CEMIP: variants seen among roughly 807,000 people sequenced by gnomAD.
The protein encoded by CEMIP is cell migration inducing hyaluronidase 1, also known as cell migration-inducing and hyaluronan-binding protein.
CEMIP carries 105 observed loss-of-function variants against 156.9 expected under a neutral mutation model. The ratio of observed to expected loss-of-function variants is 0.67; its 90% confidence interval spans 0.57 to 0.79. The LOEUF (loss-of-function observed/expected upper bound fraction) is 0.79, where lower values mean the gene tolerates loss of function less well. CEMIP is among the 30% of genes least tolerant of loss of function. The pLI is 0.00. For missense variants in CEMIP, 1,457 were observed against 1,769.4 expected (o/e 0.82, Z 3.17); for synonymous variants, 676 against 668.4 (o/e 1.01, Z -0.17).
intron 1 of CEMIP, among the ~76,000 whole-genome samples, chr15:80,871,985 G>A (rs1277819882): frequency 3.9e-5 from 6 of 152,258 alleles, no homozygotes; most frequent in East Asian, 1.9e-4. Context: ...GGACACGGCC[G>A]GCATTGATTC....
chr15:80,822,500 C>T (rs893852590), intron 1 of CEMIP, among the ~76,000 whole-genome samples: 16 of 152,182 alleles, frequency 1.1e-4, no homozygotes, highest in Admixed American at 5.9e-4. Flanking sequence ...TCCCTTTAAG[C>T]TGTCACTGTC....
At chr15:80,910,478 G>A (rs984034350) in intron 14 of CEMIP, among the ~76,000 whole-genome samples, 1 of 152,222 alleles carries the variant, frequency 6.6e-6, no homozygotes, top group Non-Finnish European at 1.5e-5. Flanking sequence ...ATATGGTTAT[G>A]GGAAAATGAG....
At chr15:80,944,006 G>A (rs191005387) in intron 28 of CEMIP, among the ~76,000 whole-genome samples, 15 of 152,258 alleles carry the variant, frequency 9.9e-5, no homozygotes, top group South Asian at 2.1e-4. Context: ...TTGGCAGGGC[G>A]CATTGGCTCA....
At chr15:80,834,087 C>A (rs891423181) in intron 1 of CEMIP, among the ~76,000 whole-genome samples, 8 of 152,102 alleles carry the variant, frequency 5.3e-5, no homozygotes. Flanking sequence ...CCAATAGCAC[C>A]CCCACCTCCC....
At chr15:80,819,361 G>A (rs1187553011) in intron 1 of CEMIP, among the ~76,000 whole-genome samples, 1 of 152,304 alleles carries the variant, frequency 6.6e-6, no homozygotes, top group South Asian at 2.1e-4. Context: ...GTTGGGTCCT[G>A]TCTAGTGGAT....
intron 1 of CEMIP, among the ~76,000 whole-genome samples, chr15:80,790,583 G>A (rs1267983996): frequency 6.6e-6 from 1 of 152,114 alleles, no homozygotes; most frequent in Non-Finnish European, 1.5e-5. Flanking sequence ...TCCAGGTGGG[G>A]GTCACTCGGC....
chr15:80,867,624 GCTGATGGCAAGC>G (rs1412645504), intron 1 of CEMIP, among the ~76,000 whole-genome samples: 1 of 152,242 alleles, frequency 6.6e-6, no homozygotes, highest in Non-Finnish European at 1.5e-5. Context: ...AGGAGACTGT[GCTGATGGCAAGC>G]CCTCTGAGAA....
intron 1 of CEMIP, among the ~76,000 whole-genome samples, chr15:80,865,656 T>TA: frequency 6.6e-6 from 1 of 151,760 alleles, no homozygotes; most frequent in African/African-American, 2.4e-5. Context: ...AGCCCTTTTT[T>TA]TTTTTTTTTT....
At chr15:80,800,019 T>TTGTGTGTG (rs1428935403) in intron 1 of CEMIP, among the ~76,000 whole-genome samples, 17 of 55,212 alleles carry the variant, frequency 3.1e-4, no homozygotes, top group African/African-American at 1.3e-3. Flanking sequence ...CCAGCTAATT[T>TTGTGTGTG]TATGTGTGTG....
intron 7 of CEMIP, among the ~76,000 whole-genome samples, chr15:80,886,303 A>G (rs1304741804): frequency 2.0e-5 from 3 of 150,652 alleles, no homozygotes. Context: ...AAGGGGTGAG[A>G]GGTGAGGCTG....
At chr15:80,882,026 T>C (rs941599052) in intron 6 of CEMIP, among the ~76,000 whole-genome samples, 1 of 151,814 alleles carries the variant, frequency 6.6e-6, no homozygotes, top group Non-Finnish European at 1.5e-5. Context: ...AGAGGTGGGG[T>C]AGACAAACAG....
rs922611483 is a variant in CEMIP, at chr15:80,909,034, A to G, written c.1588-63A>G. ...GCCTCTGCATCTTTGGAATATGGGC[A>G]CCAGCCAGGGAAATCACAAAGCATC... On this transcript the variant is annotated intron_variant, in intron 13 of 29. Coordinates refer to ENST00000394685, the MANE Select transcript of CEMIP (RefSeq NM_001293298.2). 7 of 1,498,354 alleles carry G rather than the reference A, an allele frequency of 4.7e-6. No homozygotes were observed. The African/African-American group carries it at 5.5e-5, about 12-fold the overall frequency. The allele number at this position is 1,498,354 out of a possible 1,614,324, so 92.8% of individuals were successfully genotyped here.
At chr15:80,840,069 A>G (rs1897363399) in intron 1 of CEMIP, among the ~76,000 whole-genome samples, 1 of 152,160 alleles carries the variant, frequency 6.6e-6, no homozygotes, top group Admixed American at 6.5e-5. Context: ...CAGGGAAGAG[A>G]AAGTCATAAG....
chr15:80,917,327 T>C (rs1045185404), intron 14 of CEMIP, among the ~76,000 whole-genome samples: 26 of 145,536 alleles, frequency 1.8e-4, no homozygotes, highest in Non-Finnish European at 3.5e-4. Flanking sequence ...GCAAGAGGCC[T>C]GAGTTTGATC....
intron 1 of CEMIP, among the ~76,000 whole-genome samples, chr15:80,867,430 G>A (rs1321832192): frequency 6.6e-6 from 1 of 152,206 alleles, no homozygotes; most frequent in African/African-American, 2.4e-5. Flanking sequence ...AATGGGAGAG[G>A]TCTGGGCAGG....
chr15:80,948,758 A>G (rs1567115554), intron 29 of CEMIP, 39 bp from the exon 30 acceptor site: 2 of 1,613,744 alleles, frequency 1.2e-6, no homozygotes, highest in East Asian at 2.2e-5. Flanking sequence ...CCGTCCTCTC[A>G]TAGGGCTTTT....
chr15:80,893,589 A>T (rs1899110506), intron 10 of CEMIP, among the ~76,000 whole-genome samples: 1 of 152,148 alleles, frequency 6.6e-6, no homozygotes, highest in East Asian at 1.9e-4. Context: ...GGCTTACCTT[A>T]ACTGACCTTG....
intron 1 of CEMIP, among the ~76,000 whole-genome samples, chr15:80,808,476 A>G (rs1430125096): frequency 1.3e-5 from 2 of 152,188 alleles, no homozygotes; most frequent in South Asian, 2.1e-4. Context: ...GAGCTGACCT[A>G]TGAGATTCAG....
rs1251295006 is a variant in CEMIP, at chr15:80,950,783, T to C, written c.*1859T>C. The C allele has an allele frequency of 6.5e-6, 1 of 152,700 alleles. No homozygotes were observed. Among genetic ancestry groups the C allele is most frequent in the Non-Finnish European group, 1.5e-5 (1 of 68,092 alleles). The allele number at this position is 152,700 out of a possible 1,614,324, so 9.5% of individuals were successfully genotyped here. A position where few individuals can be genotyped will look rare whatever the true frequency, so the allele number is the denominator to read the frequency against. On this transcript the variant is annotated 3_prime_UTR_variant, in exon 30 of 30. Coordinates refer to ENST00000394685, the MANE Select transcript of CEMIP (RefSeq NM_001293298.2). ...AGCTCCTGTAAGAGGGAGAACTCTA[T>C]CTGTGGTTTATAATCTTGCACGAGG...
Sources: allele counts gnomAD v4.1 joint callset (sites outside exome capture counted in the v4.1 genomes callset), GRCh38; gene constraint gnomAD v4.1.1; transcripts MANE v1.5; gene names NCBI Gene and HGNC (gene_info 2026-07-23, HGNC 2026-07-21).